CDH13: variants seen among roughly 807,000 people sequenced by gnomAD.
CDH13 encodes the protein cadherin 13.
Under a neutral mutation model 63.8 loss-of-function variants are expected in CDH13, and 24 were observed. The observed-to-expected ratio is 0.38, with a 90% CI of 0.27 to 0.53. The LOEUF is 0.53. Ranked by LOEUF, CDH13 falls within the 20% of genes least tolerant of loss-of-function variation. The pLI, the probability that CDH13 is intolerant of heterozygous loss-of-function variation, is 0.85. For missense variants in CDH13, 1,049 were observed against 903.1 expected (o/e 1.16, Z -2.07); for synonymous variants, 503 against 355.3 (o/e 1.42, Z -4.67).
intron 6 of CDH13, among the ~76,000 whole-genome samples, chr16:83,431,670 G>C (rs983100483): frequency 2.0e-5 from 3 of 152,150 alleles, no homozygotes; most frequent in African/African-American, 7.2e-5. Context: ...CACATGGTGA[G>C]AGCAGGAGCA....
At chr16:83,301,349 C>T (rs944333191) in intron 5 of CDH13, among the ~76,000 whole-genome samples, 30 of 152,138 alleles carry the variant, frequency 2.0e-4, no homozygotes, top group African/African-American at 7.0e-4. Flanking sequence ...ATTTCAGAAC[C>T]GTTTATTTCC....
At chr16:83,231,230 T>C (rs1462848470) in intron 5 of CDH13, among the ~76,000 whole-genome samples, 3 of 152,210 alleles carry the variant, frequency 2.0e-5, no homozygotes, top group Admixed American at 2.0e-4. Flanking sequence ...TCAGTTTAAC[T>C]GTGTAGGTTG....
rs2039332944 is a variant in CDH13 at position 82,847,928 on chromosome 16, A to G, written c.46-10434A>G. Among the ~76,000 whole-genome samples, 12 of 133,902 alleles carry G rather than the reference A, an allele frequency of 9.0e-5. No homozygotes were observed. In the Admixed American group the frequency reaches 9.6e-4, roughly 11 times the overall value. 87.8% of individuals were successfully genotyped at this position (133,902 alleles called of 152,430 possible). ...TTTTTTTGTACTTCACAGATACTGT[A>G]TGTTTTACAAATTGAAGATTTGTGG... On this transcript the variant is annotated intron_variant, in intron 1 of 13. Transcript: ENST00000567109.
rs755780805 is a variant in CDH13, at chr16:83,047,342, G to A, written c.366+15124G>A. On this transcript the variant is annotated intron_variant, in intron 3 of 13. Transcript: ENST00000567109. This position sits in a 1 kb window ranked among gnomAD's most constrained non-coding sequence, Gnocchi z 4.9. ...CTTGCATTGTCCATTCTCGTAAACC[G>A]TGGTTAACACAGATAATTGAGACTT... is the stretch of plus-strand genomic sequence containing the variant. Among the ~76,000 whole-genome samples, 10 of 152,092 alleles carry A rather than the reference G, an allele frequency of 6.6e-5. No individual in the cohort carries two copies. The highest frequency in any genetic ancestry group is 1.9e-4 in the East Asian group (1 of 5,192).
At chr16:83,379,979 C>G (rs1257174894) in intron 6 of CDH13, among the ~76,000 whole-genome samples, 1 of 130,116 alleles carries the variant, frequency 7.7e-6, no homozygotes, top group Non-Finnish European at 1.6e-5. Flanking sequence ...TGTCCCAGAA[C>G]AAGGAAGCCA....
At chr16:83,228,451 A>G (rs979343585) in intron 5 of CDH13, among the ~76,000 whole-genome samples, 2 of 152,188 alleles carry the variant, frequency 1.3e-5, no homozygotes, top group African/African-American at 4.8e-5. Context: ...GAAGGAAGGG[A>G]CACTATCACT....
At chr16:83,717,965 G>C (rs1283912413) in intron 10 of CDH13, 2 of 152,366 alleles carry the variant, frequency 1.3e-5, no homozygotes, top group African/African-American at 4.8e-5. Flanking sequence ...ACTTCCTGCT[G>C]CTCTGGGCAT....
At chr16:83,652,524 T>A (rs545782121) in intron 8 of CDH13, among the ~76,000 whole-genome samples, 2 of 152,024 alleles carry the variant, frequency 1.3e-5, no homozygotes, top group Non-Finnish European at 2.9e-5. Context: ...AGAAGGAGGG[T>A]CCTCGTGGTT....
intron 2 of CDH13, among the ~76,000 whole-genome samples, chr16:82,916,016 T>C (rs146115000): frequency 6.2e-4 from 95 of 152,208 alleles, no homozygotes; most frequent in Middle Eastern, 3.4e-3. Flanking sequence ...TTTTAATTAA[T>C]ACTTTAAAAT....
chr16:83,584,488 T>C (rs1485331346), intron 7 of CDH13, among the ~76,000 whole-genome samples: 1 of 152,128 alleles, frequency 6.6e-6, no homozygotes, highest in Non-Finnish European at 1.5e-5. Flanking sequence ...GAAATTTTAG[T>C]AAAGGCTTCA....
In CDH13 at chr16:82,687,864, C is replaced by G. The variant is rs186081577; in HGVS notation, c.45+60727C>G. On this transcript the variant is annotated intron_variant, in intron 1 of 13. Coordinates refer to ENST00000567109, the MANE Select transcript of CDH13 (RefSeq NM_001257.5). ...GCTGTCCTCGGGGGTAGGAGCAGAGCCAGGGCAAACCGTCAGGGATGCTAA... is the reference window on the plus strand; with the variant it reads ...GCTGTCCTCGGGGGTAGGAGCAGAGGCAGGGCAAACCGTCAGGGATGCTAA... Among the ~76,000 whole-genome samples, 36 of 152,182 alleles carry G rather than the reference C, an allele frequency of 2.4e-4. No individual in the cohort carries two copies. The East Asian group carries it at 6.8e-3, about 29-fold the overall frequency.
At position 83,011,064 on chromosome 16, in the gene CDH13, G is replaced by A. The variant is rs565776077; in HGVS notation, c.158-20946G>A. On this transcript the variant is annotated intron_variant, in intron 2 of 13. Coordinates refer to ENST00000567109, the MANE Select transcript of CDH13 (RefSeq NM_001257.5). ...ATGATAAATAAAGATGGTGTGGAAC[G>A]TTTCTTCTGTTTCATGCTCATGGAA... Among the ~76,000 whole-genome samples the A allele has an allele frequency of 1.9e-4, 29 of 152,268 alleles. 1 individual carries two copies. In the South Asian group the frequency reaches 5.2e-3, roughly 27 times the overall value.
chr16:83,447,516 C>G (rs941467921), intron 6 of CDH13, among the ~76,000 whole-genome samples: 20 of 152,050 alleles, frequency 1.3e-4, no homozygotes, highest in African/African-American at 4.8e-4. Context: ...GTTGCCCTCA[C>G]CCAAAGAGCA....
chr16:83,570,011 A>C (rs1302343077), intron 7 of CDH13, among the ~76,000 whole-genome samples: 1 of 152,184 alleles, frequency 6.6e-6, no homozygotes, highest in Non-Finnish European at 1.5e-5. Context: ...CTTGGATTAC[A>C]GGAGTGAGCC....
chr16:82,794,571 C>T (rs1049282085), intron 1 of CDH13, among the ~76,000 whole-genome samples: 1 of 151,910 alleles, frequency 6.6e-6, no homozygotes, highest in African/African-American at 2.4e-5. Context: ...TAATACCCCG[C>T]ACATTTGGTT....
intron 1 of CDH13, among the ~76,000 whole-genome samples, chr16:82,732,616 C>T (rs2033462925): frequency 1.3e-5 from 2 of 152,148 alleles, no homozygotes; most frequent in East Asian, 1.9e-4. Flanking sequence ...AATGAGTGGC[C>T]AGTTGCTACC....
intron 1 of CDH13, among the ~76,000 whole-genome samples, chr16:82,856,057 G>T (rs1409912481): frequency 6.6e-6 from 1 of 152,132 alleles, no homozygotes; most frequent in African/African-American, 2.4e-5. Context: ...AGTAATTTGA[G>T]TGATGGCAGA....
chr16:82,986,843 C>G (rs1215048656), intron 2 of CDH13, among the ~76,000 whole-genome samples: 1 of 152,154 alleles, frequency 6.6e-6, no homozygotes, highest in Non-Finnish European at 1.5e-5. Flanking sequence ...ACCTGGAACT[C>G]CAAATTTCCC....
chr16:83,457,045 C>A (rs1487662629), intron 6 of CDH13, among the ~76,000 whole-genome samples: 1 of 152,142 alleles, frequency 6.6e-6, no homozygotes. Flanking sequence ...TACTAGGGGT[C>A]TGATATGGCT....
Sources: allele counts gnomAD v4.1 joint callset (sites outside exome capture counted in the v4.1 genomes callset), GRCh38; gene constraint gnomAD v4.1.1; non-coding constraint Gnocchi (gnomAD v3.1); transcripts MANE v1.5; gene names NCBI Gene and HGNC (gene_info 2026-07-23, HGNC 2026-07-21).